Variants in TIPIN observed in about 807,000 individuals in gnomAD.
TIPIN encodes the protein TIMELESS interacting protein.
Under a neutral mutation model 35.6 loss-of-function variants are expected in TIPIN, and 29 were observed. The ratio of observed to expected loss-of-function variants is 0.82; its 90% CI spans 0.61 to 1.11. The LOEUF is 1.11. TIPIN is among the 50% of genes most tolerant of loss of function. The pLI is 0.00. For synonymous variants in TIPIN, 102 were observed against 121.5 expected (o/e 0.84, Z 1.06); for missense variants, 296 against 345.4 (o/e 0.86, Z 1.13).
chr15:66,383,685 T>C, intron 1 of TIPIN: 1 of 675,770 alleles, frequency 1.5e-6, no homozygotes, highest in African/African-American at 1.9e-5. Flanking sequence ...TGCCTCTATA[T>C]TAAAAAGTAT....
At chr15:66,378,666 AT>A (rs1409236290) in intron 1 of TIPIN, among the ~76,000 whole-genome samples, 7 of 151,576 alleles carry the variant, frequency 4.6e-5, no homozygotes, top group Non-Finnish European at 5.9e-5. Flanking sequence ...AAAAAAAAAA[AT>A]TTCCCATGAT....
At chr15:66,360,858 G>A (rs568347651), upstream of TIPIN, among the ~76,000 whole-genome samples, 461 of 152,230 alleles carry the variant, frequency 3.0e-3, 3 homozygotes, top group Middle Eastern at 0.014. Context: ...CCCAGCTACT[G>A]GGGAGGCTAA....
At chr15:66,349,784 G>A (rs955545549) in intron 4 of TIPIN, among the ~76,000 whole-genome samples, 1 of 152,024 alleles carries the variant, frequency 6.6e-6, no homozygotes, top group Non-Finnish European at 1.5e-5. Context: ...GGTGGCTGAG[G>A]TGAAAGGACT....
At chr15:66,383,234 G>A (rs1256659846) in intron 1 of TIPIN, among the ~76,000 whole-genome samples, 1 of 151,794 alleles carries the variant, frequency 6.6e-6, no homozygotes, top group Admixed American at 6.6e-5. Context: ...CAGATAGACT[G>A]CCTTGATAAT....
chr15:66,338,085 G>T (rs907212046), intron 7 of TIPIN, among the ~76,000 whole-genome samples: 1 of 151,984 alleles, frequency 6.6e-6, no homozygotes, highest in Non-Finnish European at 1.5e-5. Flanking sequence ...GTGAAACCCT[G>T]CCTCTACAAA....
upstream of TIPIN, among the ~76,000 whole-genome samples, chr15:66,360,952 G>A (rs1182057751): frequency 6.6e-6 from 1 of 151,940 alleles, no homozygotes; most frequent in Admixed American, 6.6e-5. Context: ...GGCTACAGAA[G>A]GAGACACCAT....
At chr15:66,376,583 C>T (rs1028906583) in intron 1 of TIPIN, among the ~76,000 whole-genome samples, 3 of 151,770 alleles carry the variant, frequency 2.0e-5, no homozygotes, top group Middle Eastern at 6.8e-3. Context: ...CGTCTACCAC[C>T]AAGCCTGGCT....
In TIPIN at chr15:66,341,171, T is replaced by C. The variant is rs1222294098; in HGVS notation, c.661A>G (p.Asn221Asp). ...LERRQAKLLSNSQTLGNDMLM... is the reference protein window; with the variant it reads ...LERRQAKLLSDSQTLGNDMLM... ...TTACCATTTCCTAGGGTCTGACTATTACTCAGCAGCTTTGCCTGCCTTCTT... is the reference window on the plus strand; with the variant it reads ...TTACCATTTCCTAGGGTCTGACTATCACTCAGCAGCTTTGCCTGCCTTCTT... The change falls in exon 7 of 8, where the codon AAT (asparagine) becomes GAT (aspartate). Residue 221 changes from asparagine (N) to aspartate (D), a missense_variant. Coordinates refer to ENST00000261881, the MANE Select transcript of TIPIN (RefSeq NM_017858.3). 6.2e-7 allele frequency: 1 copy of C among 1,611,816 alleles called. No homozygotes were observed. Among genetic ancestry groups the C allele is most frequent in the African/African-American group, 1.3e-5 (1 of 74,878 alleles).
chr15:66,348,530 A>G (rs1388844714), intron 6 of TIPIN, among the ~76,000 whole-genome samples: 1 of 146,250 alleles, frequency 6.8e-6, no homozygotes, highest in Non-Finnish European at 1.5e-5. Flanking sequence ...AAAAAAAAAA[A>G]TACAAAAATT....
chr15:66,359,842 G>C (rs901888164), upstream of TIPIN, among the ~76,000 whole-genome samples: 1 of 152,150 alleles, frequency 6.6e-6, no homozygotes, highest in African/African-American at 2.4e-5. Flanking sequence ...TGCCAAAAAC[G>C]AACAGAGCAG....
chr15:66,373,894 G>C (rs1441817405), intron 1 of TIPIN, among the ~76,000 whole-genome samples: 19 of 151,896 alleles, frequency 1.3e-4, no homozygotes, highest in Admixed American at 1.2e-3. Flanking sequence ...GTAGAGACAG[G>C]GTCGCCCTAT....
rs201568667 is a variant in TIPIN at position 66,349,029 on chromosome 15, T to G, written c.475+31A>C. ...CTAGATCTATTTCTAAAAGCAAAAT[T>G]GTTATAAAGTAGATAAACCTATATT... is the stretch of plus-strand genomic sequence containing the variant. On this transcript the variant is annotated intron_variant, in intron 6 of 7. Transcript: ENST00000261881. 7.9e-5 allele frequency: 124 copies of G among 1,572,354 alleles called. No individual in the cohort carries two copies. The Admixed American group carries it at 1.1e-3, about 14-fold the overall frequency.
intron 1 of TIPIN, among the ~76,000 whole-genome samples, chr15:66,381,188 C>A (rs2093317237): frequency 6.6e-6 from 1 of 152,124 alleles, no homozygotes; most frequent in African/African-American, 2.4e-5. Context: ...GTAATCCCGG[C>A]ACTTTGGGAG....
At chr15:66,343,505 CATG>C (rs1242684669) in intron 6 of TIPIN, among the ~76,000 whole-genome samples, 3 of 152,066 alleles carry the variant, frequency 2.0e-5, no homozygotes, top group Non-Finnish European at 4.4e-5. Context: ...ATTTAAAAAT[CATG>C]ATACTTAATT....
chr15:66,367,173 CTG>C (rs1413814236), intron 1 of TIPIN, among the ~76,000 whole-genome samples: 3 of 80,646 alleles, frequency 3.7e-5, no homozygotes, highest in African/African-American at 1.1e-4. Flanking sequence ...GAGCAAGACT[CTG>C]TCTCAAAAAA....
At chr15:66,376,363 A>G (rs1476398127) in intron 1 of TIPIN, among the ~76,000 whole-genome samples, 1 of 152,088 alleles carries the variant, frequency 6.6e-6, no homozygotes, top group Admixed American at 6.6e-5. Context: ...TGTTTTAAAT[A>G]ATGCTGCAGT....
At chr15:66,355,478 G>A (rs892422581) in intron 1 of TIPIN, among the ~76,000 whole-genome samples, 1 of 151,824 alleles carries the variant, frequency 6.6e-6, no homozygotes, top group African/African-American at 2.4e-5. Context: ...GGCTGGGCGC[G>A]GTGGCTCACG....
intron 1 of TIPIN, among the ~76,000 whole-genome samples, chr15:66,382,080 T>C (rs2093320738): frequency 6.6e-6 from 1 of 152,018 alleles, no homozygotes; most frequent in African/African-American, 2.4e-5. Flanking sequence ...AAAATTATTC[T>C]TCTAGCAGAT....
chr15:66,339,941 C>T (rs1367591119), intron 7 of TIPIN, among the ~76,000 whole-genome samples: 7 of 151,634 alleles, frequency 4.6e-5, no homozygotes, highest in Admixed American at 4.6e-4. Context: ...CCGATCTCAG[C>T]TCACTGCAAC....
Sources: gnomAD v4.1 joint callset for allele counts (sites outside exome capture counted in the v4.1 genomes callset) on GRCh38, gnomAD v4.1.1 for gene constraint, MANE v1.5 for transcripts, NCBI Gene and HGNC (gene_info 2026-07-23, HGNC 2026-07-21) for gene names.